The following CPLANE1 variants were observed in gnomAD, a reference collection of about 807,000 sequenced individuals.
CPLANE1 encodes ciliogenesis and planar polarity effector complex subunit 1.
In CPLANE1, 263 loss-of-function variants were observed where a neutral mutation model predicts 362.5. The observed-to-expected ratio is 0.73, with a 90% CI of 0.66 to 0.80. The LOEUF (loss-of-function observed/expected upper bound fraction) is 0.80. Among genes scored for constraint, CPLANE1 ranks in the 30% least tolerant of loss-of-function variants. CPLANE1 has a pLI of 0.00. For missense variants in CPLANE1, 3,461 were observed against 3,793.4 expected, an observed-to-expected ratio of 0.91 and a Z score of 2.30; for synonymous variants, 1,212 against 1,302.6, an observed-to-expected ratio of 0.93 and a Z score of 1.50.
At chr5:37,103,704 A>T (rs301908), downstream of CPLANE1, among the ~76,000 whole-genome samples, 76,472 of 152,056 alleles carry the variant, frequency 0.5, 22,012 homozygotes, top group African/African-American at 0.81. Flanking sequence ...CACCAATCTC[A>T]TTTGGCTTGT....
chr5:37,105,449 G>C (rs1757521279), downstream of CPLANE1, among the ~76,000 whole-genome samples: 1 of 152,194 alleles, frequency 6.6e-6, no homozygotes, highest in Non-Finnish European at 1.5e-5. Flanking sequence ...AATAAATGCT[G>C]CCAAGAAAAC....
At chr5:37,232,034 T>C (rs1797837518) in intron 8 of CPLANE1, among the ~76,000 whole-genome samples, 1 of 152,018 alleles carries the variant, frequency 6.6e-6, no homozygotes, top group East Asian at 1.9e-4. Flanking sequence ...TAGATAAACC[T>C]AAAAACTCTG....
In CPLANE1 at chr5:37,224,260, T is replaced by C. The variant is rs1470444167; in HGVS notation, c.2574A>G (p.Glu858=). Residue 858 remains glutamate (E), a synonymous_variant, in exon 14 of 53, where the codon GAA becomes GAG. Coordinates refer to ENST00000651892, the MANE Select transcript of CPLANE1 (RefSeq NM_001384732.1). ...QLWKKALQEI[E]EKGGRRTYFL... ...TTTTTAACACTCTCTTACCTTTCTC[T>C]TCGATTTCTTGTAGAGCTTTTTTCC... 37 of 1,546,364 alleles carry C rather than the reference T, an allele frequency of 2.4e-5. No homozygotes were observed. Among genetic ancestry groups the C allele is most frequent in the Non-Finnish European group, 3.1e-5 (35 of 1,143,578 alleles).
At chr5:37,219,631 A>T (rs1348967754) in intron 15 of CPLANE1, among the ~76,000 whole-genome samples, 1 of 152,222 alleles carries the variant, frequency 6.6e-6, no homozygotes, top group Non-Finnish European at 1.5e-5. Context: ...TCTTAGAGAA[A>T]TTATTAGTAA....
chr5:37,159,365 C>T (rs941590650), intron 38 of CPLANE1, among the ~76,000 whole-genome samples: 4 of 152,076 alleles, frequency 2.6e-5, no homozygotes, highest in African/African-American at 9.7e-5. Flanking sequence ...CCCGCCTCGG[C>T]CTCCCAAAGT....
chr5:37,126,252 T>C, intron 46 of CPLANE1, among the ~76,000 whole-genome samples: 1 of 151,870 alleles, frequency 6.6e-6, no homozygotes, highest in South Asian at 2.1e-4. Context: ...AACAAAAAAA[T>C]TGTAACACAG....
intron 16 of CPLANE1, chr5:37,210,373 GT>G: frequency 9.2e-7 from 1 of 1,084,564 alleles, no homozygotes; most frequent in African/African-American, 1.6e-5. Context: ...AATATAAAGA[GT>G]TTTGAGAAGA....
At position 37,226,716 on chromosome 5, in the gene CPLANE1, A is replaced by T. The variant is rs1317816571; in HGVS notation, c.1879T>A (p.Ser627Thr). The T allele has an allele frequency of 3.2e-6, 5 of 1,546,762 alleles. No homozygotes were observed. Among genetic ancestry groups the T allele is most frequent in the Non-Finnish European group, 4.4e-6 (5 of 1,145,038 alleles). Residue 627 changes from serine (S) to threonine (T), a missense_variant, in exon 12 of 53, where the codon TCA becomes ACA. This residue lies in a region of CPLANE1 where 3,380 missense variants were observed against 3,666.1 expected (regional missense o/e 0.92). Transcript: ENST00000651892. The stretch of plus-strand genomic sequence containing the variant: ...CAAAGTATCCATGCATTATGTCTTG[A>T]GCTTTTGCTTAAAACAAGATCAAGT... ...PKLDLVLSKS[S>T]RHNAWILCIF...
At position 37,162,535 on chromosome 5, in the gene CPLANE1, T is replaced by A. The variant is rs1777101807; in HGVS notation, c.7620A>T (p.Gly2540=). 6.2e-7 allele frequency: 1 copy of A among 1,612,286 alleles called. No individual in the cohort carries two copies. The highest frequency in any genetic ancestry group is 1.3e-5 in the African/African-American group (1 of 74,892). Residue 2540 remains glycine (G), a synonymous_variant, in exon 38 of 53, where the codon GGA becomes GGT. Transcript: ENST00000651892. ...TTTTTACAGAGGCCATGAAATGCAATCCAGCTGAAGTATTATCATCTTGTA... is the reference window on the plus strand; with the variant it reads ...TTTTTACAGAGGCCATGAAATGCAAACCAGCTGAAGTATTATCATCTTGTA... ...EMLQDDNTSA[G]LHFMASVKKK...
In CPLANE1 at chr5:37,157,677, CTT is replaced by C. The variant is rs760088703; in HGVS notation, c.8002_8003del (p.Lys2668GlufsTer25). The C allele has an allele frequency of 6.2e-7, 1 of 1,612,648 alleles. No homozygotes were observed. Among genetic ancestry groups the C allele is most frequent in the South Asian group, 1.1e-5 (1 of 90,568 alleles). ...AAAGTAGGAAAAAATTACCTTGACT[CTT>C]AAAATTATGTGGGGGAACAGCATTA... is the stretch of plus-strand genomic sequence containing the variant. ...VTNAVPPHNF[K>X]SQEVTPACLD... On this transcript the variant is annotated frameshift_variant, in exon 40 of 53. Coordinates refer to ENST00000651892, the MANE Select transcript of CPLANE1 (RefSeq NM_001384732.1). LOFTEE classifies it high-confidence loss of function.
chr5:37,198,839 C>A lies in CPLANE1; in HGVS notation c.3535G>T (p.Ala1179Ser), dbSNP rs1788316365. 1 of 1,613,784 alleles carries A rather than the reference C, an allele frequency of 6.2e-7. No individual in the cohort carries two copies. The highest frequency in any genetic ancestry group is 8.5e-7 in the Non-Finnish European group (1 of 1,179,932). The change falls in exon 20 of 53, where the codon GCT becomes TCT. Residue 1179 changes from alanine to serine, a missense_variant. By Grantham distance (99) the Ala-to-Ser change is moderately conservative (BLOSUM62 1). Around this residue, in one of 2 missense-constraint regions of CPLANE1, gnomAD observed 3,380 missense variants for 3,666.1 expected, o/e 0.92. Transcript: ENST00000651892. ...ACCTTCTGGCGATTATTTTTTTCAG[C>A]TTTTAAAAGAAGATCATCACCATCT... Reference protein sequence around the residue: ...EEDGDDLLLKAEKNNRQKVSG... With the variant: ...EEDGDDLLLKSEKNNRQKVSG...
chr5:37,146,167 T>C (rs938829321), intron 43 of CPLANE1, among the ~76,000 whole-genome samples: 4 of 151,552 alleles, frequency 2.6e-5, no homozygotes, highest in Non-Finnish European at 5.9e-5. Context: ...GGGTTCCAAC[T>C]GTAATAATTA....
the CPLANE1 span, among the ~76,000 whole-genome samples, chr5:37,083,936 G>A: frequency 6.6e-6 from 1 of 152,110 alleles, no homozygotes; most frequent in Admixed American, 6.5e-5. Context: ...AGAACACCTG[G>A]GAAATTCATC....
intron 44 of CPLANE1, chr5:37,142,106 C>T: frequency 9.4e-7 from 1 of 1,067,902 alleles, no homozygotes; most frequent in African/African-American, 1.6e-5. Context: ...AGATATGATA[C>T]ATAATTGCAG....
intron 51 of CPLANE1, among the ~76,000 whole-genome samples, chr5:37,110,054 T>C: frequency 6.6e-6 from 1 of 152,196 alleles, no homozygotes; most frequent in East Asian, 1.9e-4. Context: ...TTTCCTCCCA[T>C]CTCCATTGTT....
rs1260872066 is a variant in CPLANE1, at chr5:37,169,443, T to C, written c.6581A>G (p.Asn2194Ser). The C allele has an allele frequency of 3.7e-6, 6 of 1,614,224 alleles. No homozygotes were observed. The East Asian group carries it at 1.1e-4, about 30-fold the overall frequency. The stretch of plus-strand genomic sequence containing the variant: ...TGTGGACAAAAGGTAGAGGTGAGTA[T>C]TTCCAGCAGGAGCTGGATAAAACGA... ...STSFYPAPAG[N>S]THLYLLSTPS... The change falls in exon 34 of 53, where the codon AAT becomes AGT. Residue 2194 changes from asparagine (N) to serine (S), a missense_variant. Transcript: ENST00000651892.
intron 9 of CPLANE1, among the ~76,000 whole-genome samples, chr5:37,228,685 TA>T (rs1796995572): frequency 6.6e-6 from 1 of 152,198 alleles, no homozygotes; most frequent in Non-Finnish European, 1.5e-5. Flanking sequence ...GACAACATAC[TA>T]AAATGTTAAT....
chr5:37,227,166 A>G (rs1014674595), intron 11 of CPLANE1, 77 bp downstream of exon 11: 35 of 1,512,522 alleles, frequency 2.3e-5, no homozygotes, highest in Non-Finnish European at 1.2e-5. Flanking sequence ...CTTCCCTTTA[A>G]CAAGAGAAAA....
At chr5:37,195,167 AAAGAT>A (rs1429369399) in intron 21 of CPLANE1, among the ~76,000 whole-genome samples, 3 of 152,062 alleles carry the variant, frequency 2.0e-5, no homozygotes, top group African/African-American at 7.2e-5. Context: ...AAAAAAAAAA[AAAGAT>A]AAGATCAGGG....
Sources: gnomAD v4.1 joint callset for allele counts (sites outside exome capture counted in the v4.1 genomes callset) on GRCh38, gnomAD v4.1.1 for gene constraint, gnomAD v4.1.1 regional missense constraint, MANE v1.5 for transcripts, NCBI Gene and HGNC (gene_info 2026-07-23, HGNC 2026-07-21) for gene names.